FBXW7: variants seen among roughly 807,000 people sequenced by gnomAD.
FBXW7 encodes the protein F-box and WD repeat domain containing 7.
A neutral mutation model predicts 86.3 loss-of-function variants in FBXW7; 11 were observed. The observed-to-expected ratio is 0.13, with a 90% CI of 0.08 to 0.21. FBXW7 has a LOEUF of 0.21. FBXW7 is among the 10% of genes least tolerant of loss of function. The pLI, the probability that FBXW7 is intolerant of heterozygous loss-of-function variation, is 1.00. For synonymous variants in FBXW7, 313 were observed against 297.9 expected, an observed-to-expected ratio of 1.05 and a Z score of -0.52; for missense variants, 488 against 847.4, an observed-to-expected ratio of 0.58 and a Z score of 5.27.
intron 2 of FBXW7, among the ~76,000 whole-genome samples, chr4:152,521,760 C>T (rs1749035473): frequency 6.7e-6 from 1 of 148,948 alleles, no homozygotes; most frequent in Middle Eastern, 3.3e-3. Context: ...AGAACAGAAG[C>T]AAGGCAATTA....
At chr4:152,444,207 T>G (rs1417647182) in intron 2 of FBXW7, among the ~76,000 whole-genome samples, 1 of 152,190 alleles carries the variant, frequency 6.6e-6, no homozygotes, top group East Asian at 1.9e-4. Flanking sequence ...CATATATGTA[T>G]GACCATAATT....
chr4:152,366,351 C>T (rs1313155354), intron 4 of FBXW7, among the ~76,000 whole-genome samples: 1 of 152,140 alleles, frequency 6.6e-6, no homozygotes, highest in African/African-American at 2.4e-5. Context: ...AGAATCTAAA[C>T]TTTCACTATT....
intron 2 of FBXW7, among the ~76,000 whole-genome samples, chr4:152,450,289 T>C (rs533362940): frequency 1.8e-4 from 28 of 152,340 alleles, no homozygotes; most frequent in African/African-American, 6.7e-4. Flanking sequence ...GGAGGTACTG[T>C]CTGCTGCACA....
intron 4 of FBXW7, among the ~76,000 whole-genome samples, chr4:152,368,203 C>G (rs1733673290): frequency 6.6e-6 from 1 of 152,116 alleles, no homozygotes; most frequent in East Asian, 1.9e-4. Context: ...CTGTTTCCTT[C>G]TCTTCTCTAC....
At chr4:152,425,343 C>T (rs528457741) in intron 2 of FBXW7, among the ~76,000 whole-genome samples, 2 of 152,342 alleles carry the variant, frequency 1.3e-5, no homozygotes, top group South Asian at 4.1e-4. Context: ...CAAAACCAAA[C>T]ATCTCACATA....
At chr4:152,442,063 A>C (rs1429039856) in intron 2 of FBXW7, among the ~76,000 whole-genome samples, 3 of 152,204 alleles carry the variant, frequency 2.0e-5, no homozygotes, top group African/African-American at 7.2e-5. Flanking sequence ...AATTCAAGAC[A>C]TTTCCAATCT....
At chr4:152,414,646 A>G (rs1023556083) in intron 2 of FBXW7, among the ~76,000 whole-genome samples, 1 of 152,162 alleles carries the variant, frequency 6.6e-6, no homozygotes, top group Non-Finnish European at 1.5e-5. Context: ...GATAAAATAA[A>G]GTTGGACTTT....
chr4:152,400,308 TA>T (rs1258607011), intron 4 of FBXW7, among the ~76,000 whole-genome samples: 1 of 152,184 alleles, frequency 6.6e-6, no homozygotes, highest in Non-Finnish European at 1.5e-5. Flanking sequence ...GACATAAATG[TA>T]AAGTGCAGAA....
chr4:152,524,422 T>C (rs955155764), intron 2 of FBXW7, among the ~76,000 whole-genome samples: 5 of 152,186 alleles, frequency 3.3e-5, no homozygotes, highest in Non-Finnish European at 5.9e-5. Flanking sequence ...CCCCTTCTCC[T>C]AGCAGGTATG....
At chr4:152,417,896 C>A (rs563175625) in intron 2 of FBXW7, among the ~76,000 whole-genome samples, 2 of 151,988 alleles carry the variant, frequency 1.3e-5, no homozygotes, top group African/African-American at 4.8e-5. Context: ...ATGGGGATTG[C>A]TCCAAAGGAC....
In FBXW7 at chr4:152,484,016, T is replaced by C. The variant is rs575787124; in HGVS notation, c.-120+50925A>G. 8.5e-5 allele frequency among the ~76,000 whole-genome samples: 13 copies of C among 152,290 alleles called. No individual in the cohort carries two copies. In the South Asian group the frequency reaches 2.3e-3, roughly 27 times the overall value. On this transcript the variant is annotated intron_variant, in intron 2 of 13. Transcript: ENST00000281708. ...GATAAAACAGCTATTTTGACTAGAA[T>C]TGCTATTAATTTTACAGACTAGAAC...
chr4:152,342,486 A>G (rs578228023), intron 6 of FBXW7, among the ~76,000 whole-genome samples: 2 of 152,264 alleles, frequency 1.3e-5, no homozygotes, highest in African/African-American at 4.8e-5. Flanking sequence ...TAAACAAGCA[A>G]CTCATCCAGT....
chr4:152,533,404 A>G (rs1750186237), intron 2 of FBXW7, among the ~76,000 whole-genome samples: 2 of 152,182 alleles, frequency 1.3e-5, no homozygotes, highest in South Asian at 4.1e-4. Flanking sequence ...TATCTTAGTG[A>G]AAAACAGAAT....
chr4:152,444,610 A>T (rs76505484), intron 2 of FBXW7, among the ~76,000 whole-genome samples: 3 of 152,048 alleles, frequency 2.0e-5, no homozygotes, highest in Admixed American at 2.0e-4. Flanking sequence ...GTTTGTAAAC[A>T]AATTCTTAAA....
intron 2 of FBXW7, among the ~76,000 whole-genome samples, chr4:152,505,064 T>C (rs1167910192): frequency 1.3e-5 from 2 of 152,192 alleles, no homozygotes; most frequent in Non-Finnish European, 2.9e-5. Context: ...GTATAAACTA[T>C]TGCTCCCAGG....
chr4:152,376,506 T>C (rs1244349779), intron 4 of FBXW7, among the ~76,000 whole-genome samples: 4 of 152,144 alleles, frequency 2.6e-5, no homozygotes, highest in Non-Finnish European at 4.4e-5. Flanking sequence ...ATTAAAATTA[T>C]ACACCCCTTG....
At chr4:152,352,728 C>T (rs1731957087) in intron 4 of FBXW7, 4 of 1,613,414 alleles carry the variant, frequency 2.5e-6, no homozygotes, top group South Asian at 2.2e-5. Flanking sequence ...TCGGGACACA[C>T]ATACATACAT....
intron 2 of FBXW7, among the ~76,000 whole-genome samples, chr4:152,515,131 T>G (rs1317164052): frequency 6.6e-6 from 1 of 152,100 alleles, no homozygotes; most frequent in Admixed American, 6.5e-5. Flanking sequence ...TCAAGAAGAA[T>G]CACTTTACCC....
chr4:152,324,520 C>G, intron 12 of FBXW7, 126 bp from the exon 13 acceptor site: 1 of 726,612 alleles, frequency 1.4e-6, no homozygotes, highest in Non-Finnish European at 2.3e-6. Flanking sequence ...AAATGAGGTA[C>G]TAAGATAAAG....
Sources: allele counts gnomAD v4.1 joint callset (sites outside exome capture counted in the v4.1 genomes callset), GRCh38; gene constraint gnomAD v4.1.1; transcripts MANE v1.5; gene names NCBI Gene and HGNC (gene_info 2026-07-23, HGNC 2026-07-21).